GALNT7: variants seen among roughly 807,000 people sequenced by gnomAD.
The protein encoded by GALNT7 is N-acetylgalactosaminyltransferase 7.
GALNT7 carries 60 observed loss-of-function variants against 82.1 expected under a neutral mutation model. The observed-to-expected ratio is 0.73, with a 90% confidence interval of 0.59 to 0.91. The LOEUF is 0.91. GALNT7 is among the 40% of genes least tolerant of loss of function. The pLI, the probability that GALNT7 is intolerant of heterozygous loss-of-function variation, is 0.00. For missense variants in GALNT7, 660 were observed against 804.2 expected, an observed-to-expected ratio of 0.82 and a Z score of 2.17; for synonymous variants, 243 against 275.1, an observed-to-expected ratio of 0.88 and a Z score of 1.15.
In GALNT7 at chr4:173,200,563, G is replaced by A. The variant is rs976730722; in HGVS notation, c.126+31602G>A. On this transcript the variant is annotated intron_variant, in intron 1 of 11. Transcript: ENST00000265000. The stretch of plus-strand genomic sequence containing the variant: ...CCTACATGTTATTTTAGGATTCCAT[G>A]TGCAAGACCATATTATTCTAGTTAT... Among the ~76,000 whole-genome samples, 18 of 152,124 alleles carry A rather than the reference G, an allele frequency of 1.2e-4. No individual in the cohort carries two copies. The South Asian group carries it at 3.7e-3, about 31-fold the overall frequency.
chr4:173,219,734 C>T (rs530119834), intron 1 of GALNT7, among the ~76,000 whole-genome samples: 1 of 152,252 alleles, frequency 6.6e-6, no homozygotes, highest in South Asian at 2.1e-4. Context: ...TTGCATTTCC[C>T]TCATAATTAG....
At chr4:173,176,957 G>A (rs1281442258) in intron 1 of GALNT7, among the ~76,000 whole-genome samples, 1 of 152,132 alleles carries the variant, frequency 6.6e-6, no homozygotes, top group Non-Finnish European at 1.5e-5. Context: ...CTAAGGAGAA[G>A]GACCTAGAAA....
intron 2 of GALNT7, among the ~76,000 whole-genome samples, chr4:173,274,624 T>C (rs1561184807): frequency 6.6e-6 from 1 of 152,176 alleles, no homozygotes; most frequent in Non-Finnish European, 1.5e-5. Flanking sequence ...GCCTGCCCTT[T>C]CTATTTCACA....
intron 1 of GALNT7, among the ~76,000 whole-genome samples, chr4:173,229,352 T>C (rs1474559236): frequency 6.6e-6 from 1 of 152,182 alleles, no homozygotes; most frequent in Non-Finnish European, 1.5e-5. Flanking sequence ...ATAAAGGAAA[T>C]TTTTATTGAA....
At chr4:173,185,375 T>C in intron 1 of GALNT7, among the ~76,000 whole-genome samples, 1 of 151,428 alleles carries the variant, frequency 6.6e-6, no homozygotes, top group Non-Finnish European at 1.5e-5. Context: ...TCTTAGATGC[T>C]TAACTTACTA....
intron 5 of GALNT7, among the ~76,000 whole-genome samples, chr4:173,296,592 C>G (rs1460040593): frequency 6.6e-6 from 1 of 152,082 alleles, no homozygotes; most frequent in African/African-American, 2.4e-5. Flanking sequence ...GATTATTAGC[C>G]CCATTTGACT....
At chr4:173,242,245 C>T (rs1403510331) in intron 1 of GALNT7, among the ~76,000 whole-genome samples, 1 of 152,078 alleles carries the variant, frequency 6.6e-6, no homozygotes, top group Non-Finnish European at 1.5e-5. Flanking sequence ...TTCCTCTAAG[C>T]GGGTCTATTT....
At chr4:173,194,188 G>A (rs573971941) in intron 1 of GALNT7, among the ~76,000 whole-genome samples, 1 of 152,302 alleles carries the variant, frequency 6.6e-6, no homozygotes, top group Non-Finnish European at 1.5e-5. Context: ...ATAATAGTAG[G>A]CTTAGGAGAC....
At chr4:173,215,232 CTT>C (rs571862059) in intron 1 of GALNT7, among the ~76,000 whole-genome samples, 17 of 139,822 alleles carry the variant, frequency 1.2e-4, no homozygotes, top group Non-Finnish European at 1.2e-4. Flanking sequence ...TCTTCTTCTT[CTT>C]TTTTTTTTTT....
At chr4:173,180,755 C>T (rs763509441) in intron 1 of GALNT7, among the ~76,000 whole-genome samples, 1 of 152,210 alleles carries the variant, frequency 6.6e-6, no homozygotes, top group Non-Finnish European at 1.5e-5. Context: ...ATTGTGCTTA[C>T]TTGAGAAGAC....
intron 1 of GALNT7, among the ~76,000 whole-genome samples, chr4:173,210,058 C>T (rs947328045): frequency 1.3e-5 from 2 of 151,716 alleles, no homozygotes; most frequent in African/African-American, 2.4e-5. Context: ...CGCTTGAACC[C>T]GGGAGGCCGA....
At chr4:173,271,449 G>C (rs568242311) in intron 2 of GALNT7, among the ~76,000 whole-genome samples, 1 of 142,604 alleles carries the variant, frequency 7.0e-6, no homozygotes, top group Non-Finnish European at 1.5e-5. Context: ...TTGTTTGTTT[G>C]TTTATTTATT....
chr4:173,191,380 C>T (rs545448315), intron 1 of GALNT7, among the ~76,000 whole-genome samples: 30 of 152,322 alleles, frequency 2.0e-4, no homozygotes, highest in African/African-American at 7.0e-4. Context: ...ATGTAAGTCT[C>T]TTCCGCCAGC....
At chr4:173,283,781 A>G (rs1323064272) in intron 2 of GALNT7, among the ~76,000 whole-genome samples, 3 of 152,188 alleles carry the variant, frequency 2.0e-5, no homozygotes, top group African/African-American at 7.2e-5. Context: ...TTTAAAGGGA[A>G]ACACACCCTT....
chr4:173,177,163 C>T (rs928052696), intron 1 of GALNT7, among the ~76,000 whole-genome samples: 8 of 152,084 alleles, frequency 5.3e-5, no homozygotes, highest in East Asian at 1.9e-4. Flanking sequence ...CCCCATCCCC[C>T]GAATTTCTGA....
intron 1 of GALNT7, among the ~76,000 whole-genome samples, chr4:173,183,617 C>T (rs562669580): frequency 2.0e-4 from 30 of 152,278 alleles, no homozygotes; most frequent in Admixed American, 6.5e-4. Context: ...CTTTTCTATT[C>T]GACAAAACCG....
chr4:173,307,216 C>T (rs113665439), intron 8 of GALNT7, among the ~76,000 whole-genome samples: 2 of 152,352 alleles, frequency 1.3e-5, no homozygotes, highest in African/African-American at 2.4e-5. Context: ...CTCATAGGCT[C>T]ACTTGCAGCG....
chr4:173,169,046 G>A, intron 1 of GALNT7, 85 bp downstream of exon 1: 3 of 1,403,544 alleles, frequency 2.1e-6, no homozygotes, highest in South Asian at 1.3e-5. Context: ...AGGGGCGGCG[G>A]GGTCGCGGCA....
chr4:173,171,119 C>T (rs1039808714), intron 1 of GALNT7, among the ~76,000 whole-genome samples: 4 of 152,158 alleles, frequency 2.6e-5, no homozygotes, highest in Non-Finnish European at 5.9e-5. Flanking sequence ...CTTTTATTGG[C>T]TTCCCAGGTA....
Sources: gnomAD v4.1 joint callset for allele counts (sites outside exome capture counted in the v4.1 genomes callset) on GRCh38, gnomAD v4.1.1 for gene constraint, MANE v1.5 for transcripts, NCBI Gene and HGNC (gene_info 2026-07-23, HGNC 2026-07-21) for gene names.